Variants in SKAP2 observed in about 807,000 individuals in gnomAD.
SKAP2 encodes the protein src kinase associated phosphoprotein 2.
SKAP2 carries 28 observed loss-of-function variants against 54.9 expected under a neutral mutation model. That is an observed-to-expected ratio of 0.51 (90% confidence interval 0.38 to 0.70). The LOEUF (loss-of-function observed/expected upper bound fraction) is 0.70, where lower values mean the gene tolerates loss of function less well. SKAP2 is among the 30% of genes least tolerant of loss of function. SKAP2 has a pLI of 0.00. For synonymous variants in SKAP2, 137 were observed against 134.3 expected, an observed-to-expected ratio of 1.02 and a Z score of -0.14; for missense variants, 356 against 424.1, an observed-to-expected ratio of 0.84 and a Z score of 1.41.
At chr7:26,662,895 G>A (rs1003888399), downstream of SKAP2, among the ~76,000 whole-genome samples, 1 of 152,060 alleles carries the variant, frequency 6.6e-6, no homozygotes, top group African/African-American at 2.4e-5. Flanking sequence ...TGCCTCATAT[G>A]ACTCCAGCTC....
intron 4 of SKAP2, among the ~76,000 whole-genome samples, chr7:26,763,444 C>T (rs1023711): frequency 0.94 from 143,792 of 152,254 alleles, 68,077 homozygotes; most frequent in Middle Eastern, 0.99. Context: ...TGATACCAAT[C>T]TATCCATCCC....
intron 9 of SKAP2, among the ~76,000 whole-genome samples, chr7:26,715,008 C>T (rs1432121808): frequency 6.6e-6 from 1 of 152,038 alleles, no homozygotes; most frequent in African/African-American, 2.4e-5. Flanking sequence ...AAGGATAAAA[C>T]ACTTGATTAT....
At chr7:26,715,226 G>A (rs571047044) in intron 9 of SKAP2, among the ~76,000 whole-genome samples, 2 of 151,732 alleles carry the variant, frequency 1.3e-5, no homozygotes, top group African/African-American at 4.8e-5. Context: ...TATTCTATTG[G>A]TTCCCTCAGC....
At chr7:26,768,525 T>A (rs992945169) in intron 4 of SKAP2, among the ~76,000 whole-genome samples, 2 of 152,202 alleles carry the variant, frequency 1.3e-5, no homozygotes, top group Admixed American at 1.3e-4. Flanking sequence ...ATTTTGCCCA[T>A]TAGTTGATGC....
chr7:26,810,687 T>C (rs1784123829), intron 4 of SKAP2, among the ~76,000 whole-genome samples: 1 of 152,052 alleles, frequency 6.6e-6, no homozygotes. Context: ...ATGTTTTTGT[T>C]TGTTTTTTTC....
chr7:26,718,043 A>G (rs531825705), intron 9 of SKAP2, among the ~76,000 whole-genome samples: 1 of 152,148 alleles, frequency 6.6e-6, no homozygotes, highest in Admixed American at 6.5e-5. Flanking sequence ...ACATACATAC[A>G]TACATAAGAC....
intron 4 of SKAP2, among the ~76,000 whole-genome samples, chr7:26,765,509 T>C (rs1783032722): frequency 2.0e-5 from 3 of 152,196 alleles, no homozygotes; most frequent in African/African-American, 7.2e-5. Flanking sequence ...TTTGTTGCCA[T>C]TGCTTTTGAT....
At chr7:26,863,753 A>G (rs1381424661) in intron 1 of SKAP2, among the ~76,000 whole-genome samples, 1 of 152,138 alleles carries the variant, frequency 6.6e-6, no homozygotes, top group Non-Finnish European at 1.5e-5. Flanking sequence ...TTGCTTTAAT[A>G]TATTACTGAG....
the SKAP2 span, among the ~76,000 whole-genome samples, chr7:26,656,459 T>C: frequency 2.0e-5 from 3 of 152,218 alleles, no homozygotes; most frequent in Admixed American, 6.5e-5. Context: ...TCCAAACAAG[T>C]TGATAATAAC....
chr7:26,734,191 T>G (rs747022011), intron 6 of SKAP2, among the ~76,000 whole-genome samples: 6 of 152,214 alleles, frequency 3.9e-5, no homozygotes, highest in Non-Finnish European at 7.3e-5. Flanking sequence ...TTGTTTAGAC[T>G]ACTTCGAAGT....
the SKAP2 span, among the ~76,000 whole-genome samples, chr7:26,655,416 TA>T: frequency 6.6e-6 from 1 of 152,034 alleles, no homozygotes; most frequent in Admixed American, 6.6e-5. Flanking sequence ...ACTTGAATGC[TA>T]AAAAAAATTA....
At chr7:26,674,143 G>C (rs1262649834) in intron 11 of SKAP2, among the ~76,000 whole-genome samples, 2 of 151,844 alleles carry the variant, frequency 1.3e-5, no homozygotes, top group East Asian at 1.9e-4. Context: ...GAAAGCAACA[G>C]GTGTTTGCAA....
intron 9 of SKAP2, among the ~76,000 whole-genome samples, chr7:26,713,470 A>G (rs1787353949): frequency 6.6e-6 from 1 of 152,226 alleles, no homozygotes; most frequent in Non-Finnish European, 1.5e-5. Flanking sequence ...GGAGAAGGTA[A>G]GACAAGATAA....
At chr7:26,719,212 T>C (rs1787526451) in intron 9 of SKAP2, among the ~76,000 whole-genome samples, 1 of 151,982 alleles carries the variant, frequency 6.6e-6, no homozygotes, top group Non-Finnish European at 1.5e-5. Context: ...TTAGCAATAA[T>C]GAAAGGGAAG....
chr7:26,844,952 A>T (rs1168712340), intron 3 of SKAP2, among the ~76,000 whole-genome samples: 1 of 152,122 alleles, frequency 6.6e-6, no homozygotes, highest in Non-Finnish European at 1.5e-5. Flanking sequence ...TTTTTTCCAT[A>T]TAATCATTTA....
chr7:26,862,999 A>C (rs781237720), intron 1 of SKAP2, among the ~76,000 whole-genome samples: 3 of 152,184 alleles, frequency 2.0e-5, no homozygotes, highest in Non-Finnish European at 2.9e-5. Context: ...ATCAGTAGTC[A>C]TGTGATGCAA....
chr7:26,737,586 T>G (rs1031412554), intron 6 of SKAP2, among the ~76,000 whole-genome samples: 1 of 152,180 alleles, frequency 6.6e-6, no homozygotes, highest in African/African-American at 2.4e-5. Flanking sequence ...AAACATAAAT[T>G]TCCAAACAAC....
At chr7:26,718,919 C>T (rs1787519229) in intron 9 of SKAP2, among the ~76,000 whole-genome samples, 1 of 152,162 alleles carries the variant, frequency 6.6e-6, no homozygotes, top group Non-Finnish European at 1.5e-5. Context: ...TGGCTCATGC[C>T]TGTAATCCCA....
At chr7:26,745,179 C>T (rs1281389553) in intron 4 of SKAP2, among the ~76,000 whole-genome samples, 1 of 152,110 alleles carries the variant, frequency 6.6e-6, no homozygotes, top group East Asian at 1.9e-4. Flanking sequence ...CTACCACCTA[C>T]CCGACTAAAG....
Sources: gnomAD v4.1 joint callset for allele counts (sites outside exome capture counted in the v4.1 genomes callset) on GRCh38, gnomAD v4.1.1 for gene constraint, MANE v1.5 for transcripts, NCBI Gene and HGNC (gene_info 2026-07-23, HGNC 2026-07-21) for gene names.